SCFD2: variants seen among roughly 807,000 people sequenced by gnomAD.
SCFD2 encodes the protein sec1 family domain-containing protein 2.
In SCFD2, 54 loss-of-function variants were observed where a neutral mutation model predicts 58.9. The ratio of observed to expected loss-of-function variants is 0.92; its 90% CI spans 0.74 to 1.15. The LOEUF is 1.15. Ranked by LOEUF, SCFD2 falls within the 50% of genes most tolerant of loss-of-function variation. SCFD2 has a pLI of 0.00. For synonymous variants in SCFD2, 321 were observed against 335.9 expected (o/e 0.96, Z 0.49); for missense variants, 805 against 836.6 (o/e 0.96, Z 0.47).
intron 5 of SCFD2, among the ~76,000 whole-genome samples, chr4:53,010,432 GTTTGTGC>G (rs754999487): frequency 6.6e-6 from 1 of 152,204 alleles, no homozygotes; most frequent in Non-Finnish European, 1.5e-5. Flanking sequence ...TAGCAAACAG[GTTTGTGC>G]TTTTAGAGGC....
chr4:53,130,122 C>T (rs1389482980), intron 5 of SCFD2, among the ~76,000 whole-genome samples: 1 of 152,080 alleles, frequency 6.6e-6, no homozygotes, highest in African/African-American at 2.4e-5. Context: ...ATAACTATAA[C>T]ATCTTTCAAG....
intron 5 of SCFD2, among the ~76,000 whole-genome samples, chr4:52,953,755 G>C (rs889151835): frequency 2.0e-5 from 3 of 152,152 alleles, no homozygotes; most frequent in African/African-American, 7.2e-5. Context: ...AGTTTATCCA[G>C]AAAAACTACT....
At chr4:53,342,934 G>A in intron 2 of SCFD2, among the ~76,000 whole-genome samples, 1 of 152,146 alleles carries the variant, frequency 6.6e-6, no homozygotes, top group Admixed American at 6.6e-5. Flanking sequence ...CAACATACCA[G>A]AATCTCTGGG....
At chr4:53,158,060 C>A (rs941373844) in intron 4 of SCFD2, among the ~76,000 whole-genome samples, 2 of 152,168 alleles carry the variant, frequency 1.3e-5, no homozygotes, top group African/African-American at 2.4e-5. Flanking sequence ...TCCTTCGAGT[C>A]CCCTGGTAAG....
At chr4:53,303,259 AAAAC>A (rs1292224176) in intron 3 of SCFD2, among the ~76,000 whole-genome samples, 3 of 152,250 alleles carry the variant, frequency 2.0e-5, no homozygotes, top group South Asian at 2.1e-4. Context: ...TTACAAGAAA[AAAAC>A]AAACAAACCC....
At chr4:53,343,563 AACTG>A in intron 2 of SCFD2, among the ~76,000 whole-genome samples, 3 of 152,350 alleles carry the variant, frequency 2.0e-5, no homozygotes, top group East Asian at 3.9e-4. Context: ...AAACTATTCC[AACTG>A]ATAGAAAAAG....
At chr4:52,988,026 C>T (rs1721537678) in intron 5 of SCFD2, among the ~76,000 whole-genome samples, 1 of 152,210 alleles carries the variant, frequency 6.6e-6, no homozygotes. Context: ...ATTACAGTGT[C>T]AGACAAGTAA....
intron 7 of SCFD2, among the ~76,000 whole-genome samples, chr4:52,891,950 T>C (rs945078905): frequency 1.1e-4 from 17 of 152,350 alleles, no homozygotes; most frequent in African/African-American, 3.4e-4. Context: ...CTCTGGCCTC[T>C]GGCCCCTGAT....
intron 3 of SCFD2, among the ~76,000 whole-genome samples, chr4:53,291,578 C>G (rs765646638): frequency 6.6e-6 from 1 of 151,816 alleles, no homozygotes; most frequent in Non-Finnish European, 1.5e-5. Context: ...CAATGTTATC[C>G]CCATTAAACT....
intron 4 of SCFD2, among the ~76,000 whole-genome samples, chr4:53,164,295 G>A (rs1314032195): frequency 6.6e-6 from 1 of 152,074 alleles, no homozygotes; most frequent in Non-Finnish European, 1.5e-5. Flanking sequence ...GTTCCGTGGA[G>A]CCCCTGAGTG....
intron 3 of SCFD2, among the ~76,000 whole-genome samples, chr4:53,311,527 C>G (rs1732688467): frequency 6.6e-6 from 1 of 151,998 alleles, no homozygotes; most frequent in Admixed American, 6.6e-5. Flanking sequence ...CTGAATCGAG[C>G]AATAGAAACT....
chr4:53,191,557 C>G (rs145587170), intron 4 of SCFD2, among the ~76,000 whole-genome samples: 2 of 151,944 alleles, frequency 1.3e-5, no homozygotes, highest in Admixed American at 1.3e-4. Context: ...CAGGTGCATG[C>G]CACCGTGCCC....
intron 5 of SCFD2, among the ~76,000 whole-genome samples, chr4:53,129,955 T>C (rs1725739583): frequency 6.6e-6 from 1 of 152,180 alleles, no homozygotes; most frequent in African/African-American, 2.4e-5. Flanking sequence ...TAACAGTGGT[T>C]TTCTCTGGGT....
intron 5 of SCFD2, among the ~76,000 whole-genome samples, chr4:52,935,091 T>A (rs1720101744): frequency 6.6e-6 from 1 of 152,196 alleles, no homozygotes; most frequent in Non-Finnish European, 1.5e-5. Flanking sequence ...TAGTGGTTAC[T>A]GTGTTGCATT....
intron 5 of SCFD2, among the ~76,000 whole-genome samples, chr4:53,062,355 G>C (rs1309972599): frequency 9.9e-5 from 15 of 151,188 alleles, no homozygotes; most frequent in Admixed American, 3.3e-4. Flanking sequence ...CTGGGCTACA[G>C]AGACTCCGTC....
At chr4:52,925,879 T>G (rs1258196471) in intron 5 of SCFD2, among the ~76,000 whole-genome samples, 1 of 152,108 alleles carries the variant, frequency 6.6e-6, no homozygotes, top group Non-Finnish European at 1.5e-5. Flanking sequence ...TGTAATTTCT[T>G]TCTCTAGAGG....
intron 5 of SCFD2, among the ~76,000 whole-genome samples, chr4:53,076,277 T>C (rs1723970591): frequency 7.6e-6 from 1 of 131,680 alleles, no homozygotes; most frequent in Admixed American, 7.9e-5. Flanking sequence ...AGTTATTTTC[T>C]TTTGGCTAAA....
chr4:53,243,381 G>A (rs1729961372), intron 4 of SCFD2, among the ~76,000 whole-genome samples: 1 of 152,042 alleles, frequency 6.6e-6, no homozygotes, highest in Non-Finnish European at 1.5e-5. Context: ...GCCAAACTAA[G>A]CTTTATAAGC....
rs12641178 is a variant in SCFD2 at position 53,212,814 on chromosome 4, C to G, written c.1311+61012G>C. 8.1e-4 allele frequency among the ~76,000 whole-genome samples: 123 copies of G among 151,414 alleles called. 2 individuals are homozygous for G. In the East Asian group the frequency reaches 0.017, roughly 21 times the overall value. On this transcript the variant is annotated intron_variant, in intron 4 of 8. Coordinates refer to ENST00000401642, the MANE Select transcript of SCFD2 (RefSeq NM_152540.4). ...AACCAAATGAACTATTCAAATTCTC[C>G]TTCACAAGTGAACCTTAACTCATCA...
Sources: allele counts gnomAD v4.1 joint callset (sites outside exome capture counted in the v4.1 genomes callset), GRCh38; gene constraint gnomAD v4.1.1; transcripts MANE v1.5; gene names NCBI Gene and HGNC (gene_info 2026-07-23, HGNC 2026-07-21).